The following ADAM22 variants were observed in gnomAD, a reference collection of about 807,000 sequenced individuals.
The protein encoded by ADAM22 is ADAM metallopeptidase domain 22.
ADAM22 carries 65 observed loss-of-function variants against 144.6 expected under a neutral mutation model. That is an observed-to-expected ratio of 0.45 (90% CI 0.37 to 0.55). ADAM22 has a LOEUF of 0.55. Ranked by LOEUF, ADAM22 falls within the 20% of genes least tolerant of loss-of-function variation. ADAM22 has a pLI of 0.00. For synonymous variants in ADAM22, 391 were observed against 412.6 expected (o/e 0.95, Z 0.63); for missense variants, 974 against 1,184.9 (o/e 0.82, Z 2.61).
intron 3 of ADAM22, among the ~76,000 whole-genome samples, chr7:87,980,284 G>A (rs1010132028): frequency 6.0e-5 from 2 of 33,578 alleles, no homozygotes; most frequent in Non-Finnish European, 9.7e-5. Flanking sequence ...CATGCACTGT[G>A]CTCTTTTTTT....
chr7:88,095,931 A>AC (rs1345877443), intron 4 of ADAM22, among the ~76,000 whole-genome samples: 497 of 37,750 alleles, frequency 0.013, 1 homozygote, highest in Non-Finnish European at 0.021. Context: ...CCCGCCCCCC[A>AC]CCCCCCCTTT....
chr7:88,007,827 A>T (rs1490825386), intron 3 of ADAM22, among the ~76,000 whole-genome samples: 1 of 152,258 alleles, frequency 6.6e-6, no homozygotes, highest in East Asian at 1.9e-4. Context: ...ACCATTCTGG[A>T]CATAGGCATG....
intron 31 of ADAM22, 35 bp downstream of exon 31, chr7:88,193,274 C>G (rs1222157385): frequency 6.2e-7 from 1 of 1,602,150 alleles, no homozygotes; most frequent in Non-Finnish European, 8.5e-7. Flanking sequence ...CGTACATGCT[C>G]AGTCATTATC....
intron 7 of ADAM22, among the ~76,000 whole-genome samples, chr7:88,123,515 T>C (rs552357980): frequency 5.9e-5 from 9 of 152,220 alleles, no homozygotes; most frequent in African/African-American, 2.2e-4. Flanking sequence ...CTCTTCATAA[T>C]ATCCTCGTAT....
intron 3 of ADAM22, among the ~76,000 whole-genome samples, chr7:88,035,733 A>G (rs2373487): frequency 0.4 from 60,630 of 152,066 alleles, 13,386 homozygotes; most frequent in East Asian, 0.59. Context: ...GTATGCAAAT[A>G]CCACACCATT....
At chr7:88,128,718 T>TA in intron 9 of ADAM22, 42 bp downstream of exon 9, 1 of 1,531,082 alleles carries the variant, frequency 6.5e-7, no homozygotes, top group Non-Finnish European at 9.0e-7. Flanking sequence ...GTGCCTAGGG[T>TA]AAAACTGGTG....
In ADAM22 at chr7:88,116,667, G is replaced by C. The variant is rs1174884329; in HGVS notation, c.538-78G>C. 2.8e-5 allele frequency: 34 copies of C among 1,198,168 alleles called. No individual in the cohort carries two copies. The South Asian group carries it at 3.1e-4, about 11-fold the overall frequency. The allele number at this position is 1,198,168 out of a possible 1,614,324, so 74.2% of individuals were successfully genotyped here. A position where few individuals can be genotyped will look rare whatever the true frequency, so the allele number is the denominator to read the frequency against. ...ATAGGCAAGCTGTGGTTCTTTTAAG[G>C]GTCTCCAGCTATGTTTGCCTAAGGC... On this transcript the variant is annotated intron_variant, in intron 6 of 31. Transcript: ENST00000413139.
chr7:88,145,184 T>C lies in ADAM22; in HGVS notation c.1380T>C (p.Cys460=). The C allele has an allele frequency of 6.2e-7, 1 of 1,613,826 alleles. No homozygotes were observed. Among genetic ancestry groups the C allele is most frequent in the Non-Finnish European group, 8.5e-7 (1 of 1,179,872 alleles). ...TTGAAACTGGAGAGGAGTGTGATTG[T>C]GGAACCCCGGCCGTAAGTCTCTGGT... is the stretch of plus-strand genomic sequence containing the variant. ...GFIETGEECD[C]GTPAECVLEG... Residue 460 remains cysteine (C), a synonymous_variant, in exon 16 of 32, where the codon TGT becomes TGC. Coordinates refer to ENST00000413139, the MANE Select transcript of ADAM22 (RefSeq NM_001324418.2).
chr7:87,948,624 A>G (rs1245277173), intron 2 of ADAM22, among the ~76,000 whole-genome samples: 1 of 152,206 alleles, frequency 6.6e-6, no homozygotes, highest in Non-Finnish European at 1.5e-5. Flanking sequence ...ATCCATTGCT[A>G]CAGGATAGGG....
At chr7:87,944,689 A>G (rs1843143744) in intron 2 of ADAM22, among the ~76,000 whole-genome samples, 1 of 152,184 alleles carries the variant, frequency 6.6e-6, no homozygotes, top group Non-Finnish European at 1.5e-5. Context: ...AAGAGAAGAT[A>G]CTAGGCTGGT....
intron 3 of ADAM22, among the ~76,000 whole-genome samples, chr7:88,019,855 ATATGTGTGTG>A (rs1169770109): frequency 7.6e-6 from 1 of 132,368 alleles, no homozygotes; most frequent in African/African-American, 3.1e-5. Flanking sequence ...ATCTCAAAAA[ATATGTGTGTG>A]TGTGTGTGTG....
chr7:88,140,455 T>G (rs1200469469), intron 14 of ADAM22, among the ~76,000 whole-genome samples: 1 of 152,154 alleles, frequency 6.6e-6, no homozygotes, highest in Non-Finnish European at 1.5e-5. Flanking sequence ...GCAGCCACAA[T>G]GTGTGTAAGA....
intron 13 of ADAM22, among the ~76,000 whole-genome samples, chr7:88,134,957 T>A (rs920138770): frequency 1.3e-5 from 2 of 152,066 alleles, no homozygotes; most frequent in Admixed American, 6.5e-5. Context: ...ACCTTAAAAA[T>A]TTGATTATTT....
chr7:88,153,061 G>C (rs1838915109), intron 20 of ADAM22, among the ~76,000 whole-genome samples, 160 bp from the exon 21 acceptor site: 1 of 152,122 alleles, frequency 6.6e-6, no homozygotes, highest in Non-Finnish European at 1.5e-5. Flanking sequence ...GGATATATAT[G>C]ATCCATGGTA....
intron 30 of ADAM22, 96 bp downstream of exon 30, chr7:88,186,797 C>T: frequency 1.3e-6 from 1 of 775,386 alleles, no homozygotes. Flanking sequence ...TCTCCCAATA[C>T]AAGTTCCTAT....
At chr7:87,995,670 A>G (rs1562980407) in intron 3 of ADAM22, among the ~76,000 whole-genome samples, 1 of 152,150 alleles carries the variant, frequency 6.6e-6, no homozygotes, top group Non-Finnish European at 1.5e-5. Context: ...TGCTTTTAGA[A>G]GCTCTCTGGG....
intron 22 of ADAM22, among the ~76,000 whole-genome samples, chr7:88,156,308 T>TA (rs1224894623): frequency 6.6e-6 from 1 of 152,196 alleles, no homozygotes; most frequent in African/African-American, 2.4e-5. Context: ...AATCAGTGTA[T>TA]TAAATATATG....
intron 20 of ADAM22, 121 bp downstream of exon 20, chr7:88,151,441 A>T: frequency 8.8e-7 from 1 of 1,135,302 alleles, no homozygotes; most frequent in Non-Finnish European, 1.3e-6. Context: ...CAAAGCTACC[A>T]CAGGTCTTAG....
intron 5 of ADAM22, among the ~76,000 whole-genome samples, chr7:88,108,724 G>A (rs761887133): frequency 7.8e-6 from 1 of 128,950 alleles, no homozygotes; most frequent in Non-Finnish European, 1.6e-5. Flanking sequence ...GCGAGACTCT[G>A]ATTCAAAAAA....
Sources: gnomAD v4.1 joint callset for allele counts (sites outside exome capture counted in the v4.1 genomes callset) on GRCh38, gnomAD v4.1.1 for gene constraint, MANE v1.5 for transcripts, NCBI Gene and HGNC (gene_info 2026-07-23, HGNC 2026-07-21) for gene names.